The following USP17L2 variants were observed in gnomAD, a reference collection of about 807,000 sequenced individuals.
USP17L2 encodes ubiquitin specific peptidase 17 like family member 2, also known as ubiquitin carboxyl-terminal hydrolase 17.
USP17L2 carries 29 observed loss-of-function variants against 39.8 expected under a neutral mutation model. The observed-to-expected ratio is 0.73, with a 90% CI of 0.54 to 0.99. The LOEUF (loss-of-function observed/expected upper bound fraction) is 0.99. Ranked by LOEUF, USP17L2 falls within the 50% of genes least tolerant of loss-of-function variation. The pLI is 0.00. For synonymous variants in USP17L2, 231 were observed against 252.7 expected, an observed-to-expected ratio of 0.91 and a Z score of 0.81; for missense variants, 567 against 647.2, an observed-to-expected ratio of 0.88 and a Z score of 1.35.
At position 12,137,661 on chromosome 8, in the gene USP17L2, G is replaced by T. The variant is rs1304383132; in HGVS notation, c.1100C>A (p.Ala367Asp). 3.9e-6 allele frequency: 6 copies of T among 1,531,116 alleles called. No individual in the cohort carries two copies. The African/African-American group carries it at 7.3e-5, about 19-fold the overall frequency. The allele number at this position is 1,531,116 out of a possible 1,614,324, so 94.8% of individuals were successfully genotyped here. A position where few individuals can be genotyped will look rare whatever the true frequency, so the allele number is the denominator to read the frequency against. Residue 367 changes from alanine to aspartate, a missense_variant, in exon 1 of 1, where the codon GCC becomes GAC. Around this residue, in one of 6 missense-constraint regions of USP17L2, gnomAD observed 304 missense variants for 254.7 expected, o/e 1.19. Coordinates refer to ENST00000333796, the MANE Select transcript of USP17L2 (RefSeq NM_201402.3). ...CTTCTGGATGTAAAAGAGGACATAG[G>T]CCTGTTGACTCAGGACAGAAGTGAT... ...CSITSVLSQQ[A>D]YVLFYIQKSE... is the part of the protein sequence containing the mutation.
Position 12,136,626 on chromosome 8 carries a change from A to G in USP17L2, c.*542T>C, listed in dbSNP as rs1344006698. Among the ~76,000 whole-genome samples, 1 of 140,428 alleles carries G rather than the reference A, an allele frequency of 7.1e-6. No homozygotes were observed. Among genetic ancestry groups the G allele is most frequent in the Admixed American group, 7.2e-5 (1 of 13,802 alleles). 92.1% of individuals were successfully genotyped at this position (140,428 alleles called of 152,430 possible). On this transcript the variant is annotated 3_prime_UTR_variant, in exon 1 of 1. Coordinates refer to ENST00000333796, the MANE Select transcript of USP17L2 (RefSeq NM_201402.3). Reference sequence around the variant, plus strand: ...GCGCCTGAGGTCCATTCAGAAACCAATGTAAAAACGGTGAGCCAGGGTAAG... The same window carrying G: ...GCGCCTGAGGTCCATTCAGAAACCAGTGTAAAAACGGTGAGCCAGGGTAAG...
At position 12,138,317 on chromosome 8, in the gene USP17L2, T is replaced by A. The variant is rs200249593; in HGVS notation, c.444A>T (p.Ala148=). 27 of 1,506,988 alleles carry A rather than the reference T, an allele frequency of 1.8e-5. No individual in the cohort carries two copies. In the African/African-American group the frequency reaches 3.2e-4, roughly 18 times the overall value. The allele number at this position is 1,506,988 out of a possible 1,614,324, so 93.4% of individuals were successfully genotyped here. A position where few individuals can be genotyped will look rare whatever the true frequency, so the allele number is the denominator to read the frequency against. Residue 148 remains alanine, a synonymous_variant, in exon 1 of 1, where the codon GCA becomes GCT. Coordinates refer to ENST00000333796, the MANE Select transcript of USP17L2 (RefSeq NM_201402.3). ...SPGHVIQPSQ[A]LAAGFHRGKQ... ...TGCCTCTATGGAAGCCAGCAGCCAA[T>A]GCCTGTGAGGGCTGGATGACATGAC...
chr8:12,137,532 C>G lies in USP17L2; in HGVS notation c.1229G>C (p.Arg410Thr). The G allele has an allele frequency of 6.5e-7, 1 of 1,533,232 alleles. No individual in the cohort carries two copies. Among genetic ancestry groups the G allele is most frequent in the Non-Finnish European group, 8.8e-7 (1 of 1,135,200 alleles). 95.0% of individuals were successfully genotyped at this position (1,533,232 alleles called of 1,614,324 possible). The change falls in exon 1 of 1, where the codon AGA (arginine) becomes ACA (threonine). Residue 410 changes from arginine to threonine, a missense_variant. By Grantham distance (71) the Arg-to-Thr change is moderately conservative (BLOSUM62 -1). Around this residue, in one of 6 missense-constraint regions of USP17L2, gnomAD observed 304 missense variants for 254.7 expected, o/e 1.19. Transcript: ENST00000333796. ...DRRATQGELK[R>T]DHPCLQAPEL... The stretch of plus-strand genomic sequence containing the variant: ...GGGTGCCTGGAGGCAGGGGTGGTCT[C>G]TCTTGAGCTCTCCTTGCGTTGCTCG...
chr8:12,138,003 T>A lies in USP17L2; in HGVS notation c.758A>T (p.His253Leu). ...PEELNGENAY[H>L]CGLCLQRAPA... is the part of the protein sequence containing the mutation. ...CGCCCTCTGGAGACAAAGACCGCAA[T>A]GATAGGCATTCTCTCCATTGAGTTC... Residue 253 changes from histidine to leucine, a missense_variant, in exon 1 of 1, where the codon CAT becomes CTT. Physicochemically the swap from His to Leu is moderately conservative, Grantham distance 99. Coordinates refer to ENST00000333796, the MANE Select transcript of USP17L2 (RefSeq NM_201402.3). 1.4e-6 allele frequency: 2 copies of A among 1,469,452 alleles called. No individual in the cohort carries two copies. 91.0% of individuals were successfully genotyped at this position (1,469,452 alleles called of 1,614,324 possible). A position where few individuals can be genotyped will look rare whatever the true frequency, so the allele number is the denominator to read the frequency against.
In USP17L2 at chr8:12,137,019, C is replaced by T. The variant is rs548701711; in HGVS notation, c.*149G>A. 3 of 1,049,450 alleles carry T rather than the reference C, an allele frequency of 2.9e-6. No homozygotes were observed. Among genetic ancestry groups the T allele is most frequent in the Non-Finnish European group, 4.1e-6 (3 of 724,342 alleles). The allele number at this position is 1,049,450 out of a possible 1,614,324, so 65.0% of individuals were successfully genotyped here. A position where few individuals can be genotyped will look rare whatever the true frequency, so the allele number is the denominator to read the frequency against. On this transcript the variant is annotated 3_prime_UTR_variant, in exon 1 of 1. Transcript: ENST00000333796. ...TATCCAGTTGTCCCTGTTGTAGAGACAGAAACTTGGACTCCTCATTACTTT... is the reference window on the plus strand; with the variant it reads ...TATCCAGTTGTCCCTGTTGTAGAGATAGAAACTTGGACTCCTCATTACTTT...
chr8:12,137,066 T>A lies in USP17L2; in HGVS notation c.*102A>T. 7.6e-7 allele frequency: 1 copy of A among 1,312,714 alleles called. No individual in the cohort carries two copies. Among genetic ancestry groups the A allele is most frequent in the Non-Finnish European group, 1.1e-6 (1 of 944,976 alleles). 81.3% of individuals were successfully genotyped at this position (1,312,714 alleles called of 1,614,324 possible). A position where few individuals can be genotyped will look rare whatever the true frequency, so the allele number is the denominator to read the frequency against. ...CTTTATGTAGGATTGACGGTGTTCGTGTTTGTGTGTGTGTGTGTGTTTGCG... is the reference window on the plus strand; with the variant it reads ...CTTTATGTAGGATTGACGGTGTTCGAGTTTGTGTGTGTGTGTGTGTTTGCG... On this transcript the variant is annotated 3_prime_UTR_variant, in exon 1 of 1. Coordinates refer to ENST00000333796, the MANE Select transcript of USP17L2 (RefSeq NM_201402.3).
chr8:12,138,045 T>A lies in USP17L2; in HGVS notation c.716A>T (p.Gln239Leu). The change falls in exon 1 of 1, where the codon CAG (glutamine) becomes CTG (leucine). Residue 239 changes from glutamine (Q) to leucine (L), a missense_variant. Physicochemically the swap from Gln to Leu is moderately radical, Grantham distance 113 (BLOSUM62 -2). Around this residue, in one of 6 missense-constraint regions of USP17L2, gnomAD observed 11 missense variants for 36.7 expected, o/e 0.30. Coordinates refer to ENST00000333796, the MANE Select transcript of USP17L2 (RefSeq NM_201402.3). ...AAQSVKQALE[Q>L]LVKPEELNGE... is the part of the protein sequence containing the mutation. The stretch of plus-strand genomic sequence containing the variant: ...ATTGAGTTCTTCGGGCTTCACCAAC[T>A]GTTCCAAAGCTTGCTTGACACTCTG... 2 of 1,364,474 alleles carry A rather than the reference T, an allele frequency of 1.5e-6. No individual in the cohort carries two copies. Among genetic ancestry groups the A allele is most frequent in the Middle Eastern group, 2.7e-4 (1 of 3,752 alleles). The allele number at this position is 1,364,474 out of a possible 1,614,324, so 84.5% of individuals were successfully genotyped here.
In USP17L2 at chr8:12,136,762, G is replaced by T. The variant is rs56335315; in HGVS notation, c.*406C>A. On this transcript the variant is annotated 3_prime_UTR_variant, in exon 1 of 1. Coordinates refer to ENST00000333796, the MANE Select transcript of USP17L2 (RefSeq NM_201402.3). The stretch of plus-strand genomic sequence containing the variant: ...GAGCAAAATTTCACCTTCTCGTGCC[G>T]CCCAACAACTGACGAATGAAACACA... Among the ~76,000 whole-genome samples, 28,180 of 137,486 alleles carry T rather than the reference G, an allele frequency of 0.2. 4,400 individuals are homozygous for T. The highest frequency in any genetic ancestry group is 0.56 in the East Asian group (2,327 of 4,176). 90.2% of individuals were successfully genotyped at this position (137,486 alleles called of 152,430 possible).
chr8:12,138,774 A>G lies in USP17L2; in HGVS notation c.-14T>C, dbSNP rs1803384051. On this transcript the variant is annotated 5_prime_UTR_variant, in exon 1 of 1. Coordinates refer to ENST00000333796, the MANE Select transcript of USP17L2 (RefSeq NM_201402.3). The stretch of plus-strand genomic sequence containing the variant: ...GTCGTCCTCCATGTCGCCCGCAACA[A>G]GGATCACAAGGTTTTTCTGCTGGGA... 3.4e-6 allele frequency: 4 copies of G among 1,184,008 alleles called. No individual in the cohort carries two copies. In the East Asian group the frequency reaches 1.1e-4, roughly 32 times the overall value. 73.3% of individuals were successfully genotyped at this position (1,184,008 alleles called of 1,614,324 possible).
In USP17L2 at chr8:12,138,402, GGACGCT is replaced by G. The variant is rs760061157; in HGVS notation, c.353_358del (p.Gln118_Arg119del). The G allele has an allele frequency of 4.7e-6, 7 of 1,483,038 alleles. 1 individual carries two copies. The highest frequency in any genetic ancestry group is 5.5e-6 in the Non-Finnish European group (6 of 1,087,768). 91.9% of individuals were successfully genotyped at this position (1,483,038 alleles called of 1,614,324 possible). A position where few individuals can be genotyped will look rare whatever the true frequency, so the allele number is the denominator to read the frequency against. On this transcript the variant is annotated inframe_deletion, in exon 1 of 1. Transcript: ENST00000333796. The stretch of plus-strand genomic sequence containing the variant: ...CATAGTACAGAGCATGCAGCACTTG[GGACGCT>G]GACATGTTTGAGAGTGCTCCCGGGA...
chr8:12,137,067 G>A lies in USP17L2; in HGVS notation c.*101C>T, dbSNP rs1466028920. 2.9e-5 allele frequency: 38 copies of A among 1,325,602 alleles called. 1 individual carries two copies. Among genetic ancestry groups the A allele is most frequent in the Non-Finnish European group, 3.8e-5 (36 of 956,200 alleles). The allele number at this position is 1,325,602 out of a possible 1,614,324, so 82.1% of individuals were successfully genotyped here. On this transcript the variant is annotated 3_prime_UTR_variant, in exon 1 of 1. Coordinates refer to ENST00000333796, the MANE Select transcript of USP17L2 (RefSeq NM_201402.3). ...TTTATGTAGGATTGACGGTGTTCGTGTTTGTGTGTGTGTGTGTGTTTGCGT... is the reference window on the plus strand; with the variant it reads ...TTTATGTAGGATTGACGGTGTTCGTATTTGTGTGTGTGTGTGTGTTTGCGT...
rs777059263 is a variant in USP17L2 at position 12,137,136 on chromosome 8, C to A, written c.*32G>T. Reference sequence around the variant, plus strand: ...TTGTGCGTGTGTGTGTGTGCGTTCACCCCTACGTGTGGGTCGGCACTTCCA... The same window carrying A: ...TTGTGCGTGTGTGTGTGTGCGTTCAACCCTACGTGTGGGTCGGCACTTCCA... On this transcript the variant is annotated 3_prime_UTR_variant, in exon 1 of 1. Transcript: ENST00000333796. The A allele has an allele frequency of 3.0e-5, 45 of 1,522,420 alleles. 1 individual carries two copies. Among genetic ancestry groups the A allele is most frequent in the Non-Finnish European group, 3.7e-5 (42 of 1,127,880 alleles). The allele number at this position is 1,522,420 out of a possible 1,614,324, so 94.3% of individuals were successfully genotyped here.
chr8:12,137,974 C>G lies in USP17L2; in HGVS notation c.787G>C (p.Ala263Pro). 2.6e-6 allele frequency: 4 copies of G among 1,510,246 alleles called. No individual in the cohort carries two copies. The highest frequency in any genetic ancestry group is 3.6e-6 in the Non-Finnish European group (4 of 1,117,530). 93.6% of individuals were successfully genotyped at this position (1,510,246 alleles called of 1,614,324 possible). A position where few individuals can be genotyped will look rare whatever the true frequency, so the allele number is the denominator to read the frequency against. The stretch of plus-strand genomic sequence containing the variant: ...GTGTGTAAAGTTAACGTCTTGGAGG[C>G]CGGCGCCCTCTGGAGACAAAGACCG... Reference protein sequence around the residue: ...HCGLCLQRAPASKTLTLHTSA... With the variant: ...HCGLCLQRAPPSKTLTLHTSA... Residue 263 changes from alanine to proline, a missense_variant, in exon 1 of 1, where the codon GCC becomes CCC. Around this residue, in one of 6 missense-constraint regions of USP17L2, gnomAD observed 65 missense variants for 84.8 expected, o/e 0.77. Coordinates refer to ENST00000333796, the MANE Select transcript of USP17L2 (RefSeq NM_201402.3).
rs1190204391 is a variant in USP17L2 at position 12,137,069 on chromosome 8, TTGTGTG to T, written c.*93_*98del. 1.2e-5 allele frequency: 15 copies of T among 1,249,494 alleles called. No individual in the cohort carries two copies. The highest frequency in any genetic ancestry group is 1.9e-5 in the Admixed American group (1 of 51,642). 77.4% of individuals were successfully genotyped at this position (1,249,494 alleles called of 1,614,324 possible). On this transcript the variant is annotated 3_prime_UTR_variant, in exon 1 of 1. Coordinates refer to ENST00000333796, the MANE Select transcript of USP17L2 (RefSeq NM_201402.3). ...TATGTAGGATTGACGGTGTTCGTGT[TTGTGTG>T]TGTGTGTGTGTTTGCGTGCGCGCTT...
chr8:12,137,185 G>T lies in USP17L2; in HGVS notation c.1576C>A (p.Leu526Met). 2 of 1,530,970 alleles carry T rather than the reference G, an allele frequency of 1.3e-6. No individual in the cohort carries two copies. The highest frequency in any genetic ancestry group is 8.8e-7 in the Non-Finnish European group (1 of 1,135,280). 94.8% of individuals were successfully genotyped at this position (1,530,970 alleles called of 1,614,324 possible). A position where few individuals can be genotyped will look rare whatever the true frequency, so the allele number is the denominator to read the frequency against. ...KGKNKHSKRA[L>M]LVCQ ...CACTGAGATCACTGGCACACAAGCA[G>T]AGCCCTCTTGCTGTGTTTGTTCTTC... The change falls in exon 1 of 1, where the codon CTG (leucine) becomes ATG (methionine). Residue 526 changes from leucine to methionine, a missense_variant. Around this residue, in one of 6 missense-constraint regions of USP17L2, gnomAD observed 304 missense variants for 254.7 expected, o/e 1.19. Coordinates refer to ENST00000333796, the MANE Select transcript of USP17L2 (RefSeq NM_201402.3).
rs761952726 is a variant in USP17L2, at chr8:12,138,534, G to A, written c.227C>T (p.Ala76Val). 3.2e-5 allele frequency: 49 copies of A among 1,535,168 alleles called. 4 individuals carry two copies. The highest frequency in any genetic ancestry group is 7.1e-5 in the Admixed American group (4 of 56,094). The stretch of plus-strand genomic sequence containing the variant: ...ATTCTGGAGCCCAGCCCCCACCGCA[G>A]CAGGTCTCCTGCTACTCAGAGGAAG... ...KKLPLSSRRP[A>V]AVGAGLQNMG... Residue 76 changes from alanine to valine, a missense_variant, in exon 1 of 1, where the codon GCT (alanine) becomes GTT (valine). Around this residue, in one of 6 missense-constraint regions of USP17L2, gnomAD observed 120 missense variants for 111.0 expected, o/e 1.08. Transcript: ENST00000333796.
In USP17L2 at chr8:12,137,186, A is replaced by T. The variant is rs756002885; in HGVS notation, c.1575T>A (p.Ala525=). Residue 525 remains alanine (A), a synonymous_variant, in exon 1 of 1, where the codon GCT becomes GCA. Transcript: ENST00000333796. ...ACTGAGATCACTGGCACACAAGCAG[A>T]GCCCTCTTGCTGTGTTTGTTCTTCC... The part of the protein sequence containing the change: ...SKGKNKHSKR[A]LLVCQ 43 of 1,530,626 alleles carry T rather than the reference A, an allele frequency of 2.8e-5. 6 individuals carry two copies. The highest frequency in any genetic ancestry group is 3.6e-5 in the Non-Finnish European group (41 of 1,135,218). 94.8% of individuals were successfully genotyped at this position (1,530,626 alleles called of 1,614,324 possible).
rs374048343 is a variant in USP17L2, at chr8:12,137,964, G to A, written c.797C>T (p.Thr266Met). 200 of 1,519,972 alleles carry A rather than the reference G, an allele frequency of 1.3e-4. 20 individuals carry two copies. The highest frequency in any genetic ancestry group is 3.7e-4 in the South Asian group (30 of 81,740). 94.2% of individuals were successfully genotyped at this position (1,519,972 alleles called of 1,614,324 possible). The change falls in exon 1 of 1, where the codon ACG becomes ATG. Residue 266 changes from threonine (T) to methionine (M), a missense_variant. Around this residue, in one of 6 missense-constraint regions of USP17L2, gnomAD observed 65 missense variants for 84.8 expected, o/e 0.77. Coordinates refer to ENST00000333796, the MANE Select transcript of USP17L2 (RefSeq NM_201402.3). Reference protein sequence around the residue: ...LCLQRAPASKTLTLHTSAKVL... With the variant: ...LCLQRAPASKMLTLHTSAKVL... ...CTTGGCAGAAGTGTGTAAAGTTAAC[G>A]TCTTGGAGGCCGGCGCCCTCTGGAG...
rs201875761 is a variant in USP17L2, at chr8:12,138,405, C to T, written c.356G>A (p.Arg119His). 1.5e-5 allele frequency: 22 copies of T among 1,485,682 alleles called. 1 individual carries two copies. Among genetic ancestry groups the T allele is most frequent in the Middle Eastern group, 2.5e-4 (1 of 4,002 alleles). 92.0% of individuals were successfully genotyped at this position (1,485,682 alleles called of 1,614,324 possible). A position where few individuals can be genotyped will look rare whatever the true frequency, so the allele number is the denominator to read the frequency against. Residue 119 changes from arginine (R) to histidine (H), a missense_variant, in exon 1 of 1, where the codon CGT becomes CAT. Physicochemically the swap from Arg to His is conservative, Grantham distance 29. This residue lies in a region of USP17L2 where 67 missense variants were observed against 122.8 expected (regional missense o/e 0.55). Transcript: ENST00000333796. ...AGTACAGAGCATGCAGCACTTGGGA[C>T]GCTGACATGTTTGAGAGTGCTCCCG... ...LSREHSQTCQ[R>H]PKCCMLCTMQ...
Sources: allele counts gnomAD v4.1 joint callset (sites outside exome capture counted in the v4.1 genomes callset), GRCh38; gene constraint gnomAD v4.1.1; regional missense constraint gnomAD v4.1.1; transcripts MANE v1.5; gene names NCBI Gene and HGNC (gene_info 2026-07-23, HGNC 2026-07-21).